AGO4: variants seen among roughly 807,000 people sequenced by gnomAD.
The protein encoded by AGO4 is protein argonaute-4.
Under a neutral mutation model 104.7 loss-of-function variants are expected in AGO4, and 33 were observed. The ratio of observed to expected loss-of-function variants is 0.32; its 90% CI spans 0.24 to 0.42. AGO4 has a LOEUF of 0.42. AGO4 is among the 10% of genes least tolerant of loss of function. The probability of loss-of-function intolerance (pLI) is 1.00; values close to 1 mark genes in which losing one functional copy is unlikely to be tolerated. For synonymous variants in AGO4, 331 were observed against 364.7 expected, an observed-to-expected ratio of 0.91 and a Z score of 1.05; for missense variants, 711 against 1,083.4, an observed-to-expected ratio of 0.66 and a Z score of 4.83.
At chr1:35,811,661 T>A (rs947532132) in intron 1 of AGO4, among the ~76,000 whole-genome samples, 2 of 151,918 alleles carry the variant, frequency 1.3e-5, no homozygotes, top group African/African-American at 4.8e-5. Context: ...TGGAGTGCAG[T>A]GGCGCCATCT....
At chr1:35,839,134 C>G (rs1644381605) in intron 13 of AGO4, among the ~76,000 whole-genome samples, 1 of 152,024 alleles carries the variant, frequency 6.6e-6, no homozygotes, top group Non-Finnish European at 1.5e-5. Context: ...GTGTGCACCA[C>G]CACGCCTGGC....
At position 35,826,744 on chromosome 1, in the gene AGO4, T is replaced by A. The variant is rs932605040; in HGVS notation, c.761-4T>A. The A allele has an allele frequency of 1.2e-6, 2 of 1,613,656 alleles. No individual in the cohort carries two copies. The highest frequency in any genetic ancestry group is 1.3e-5 in the African/African-American group (1 of 74,916). ...GATGTTTTGCCTTTTAAAAAAAATT[T>A]CAGGTCTCAAAGTTGAGGTGACCCA... On this transcript the variant is annotated splice_polypyrimidine_tract_variant and splice_region_variant and intron_variant, in intron 6 of 17. Coordinates refer to ENST00000373210, the MANE Select transcript of AGO4 (RefSeq NM_017629.4).
chr1:35,842,674 C>T (rs1238976499), intron 15 of AGO4, among the ~76,000 whole-genome samples: 4 of 152,064 alleles, frequency 2.6e-5, no homozygotes, highest in Admixed American at 1.3e-4. Context: ...TAATGGTGCA[C>T]GCCTGTAGTC....
In AGO4 at chr1:35,835,836, G is replaced by C; in HGVS notation, c.1567G>C (p.Glu523Gln). The change falls in exon 13 of 18, where the codon GAG becomes CAG. Residue 523 changes from glutamate (E) to glutamine (Q), a missense_variant and splice_region_variant. By Grantham distance (29) the Glu-to-Gln change is conservative. This residue lies in a region of AGO4 where 401 missense variants were observed against 665.5 expected (regional missense o/e 0.60). Transcript: ENST00000373210. Reference protein sequence around the residue: ...ILPGKTPVYAEVKRVGDTLLG... With the variant: ...ILPGKTPVYAQVKRVGDTLLG... Reference sequence around the variant, plus strand: ...AAATTAATAAATTATTTTTGTAGCGGAGGTGAAACGTGTTGGAGATACCCT... The same window carrying C: ...AAATTAATAAATTATTTTTGTAGCGCAGGTGAAACGTGTTGGAGATACCCT... The C allele has an allele frequency of 6.3e-7, 1 of 1,589,360 alleles. No homozygotes were observed. The highest frequency in any genetic ancestry group is 8.5e-7 in the Non-Finnish European group (1 of 1,173,004).
At chr1:35,846,489 C>T (rs575516393) in intron 15 of AGO4, among the ~76,000 whole-genome samples, 23 of 151,572 alleles carry the variant, frequency 1.5e-4, no homozygotes, top group Admixed American at 7.2e-4. Flanking sequence ...CCCAGCTACT[C>T]GGGAGGCTGA....
chr1:35,845,567 G>A (rs1644553890), intron 15 of AGO4, among the ~76,000 whole-genome samples: 1 of 151,774 alleles, frequency 6.6e-6, no homozygotes, highest in Non-Finnish European at 1.5e-5. Flanking sequence ...GATATTTCCC[G>A]ACATTTCATA....
chr1:35,848,709 C>T (rs1218526342), intron 15 of AGO4, among the ~76,000 whole-genome samples: 1 of 150,938 alleles, frequency 6.6e-6, no homozygotes, highest in African/African-American at 2.4e-5. Context: ...AAAGATTATA[C>T]ATGACTAAAT....
intron 10 of AGO4, 48 bp downstream of exon 10, chr1:35,832,233 AAG>A: frequency 1.3e-6 from 2 of 1,598,672 alleles, no homozygotes; most frequent in Non-Finnish European, 8.5e-7. Context: ...ACCAGTCAAA[AAG>A]AGAATAATCC....
chr1:35,834,137 A>G lies in AGO4; in HGVS notation c.1527A>G (p.Leu509=). 6.2e-7 allele frequency: 1 copy of G among 1,607,306 alleles called. No homozygotes were observed. The highest frequency in any genetic ancestry group is 8.5e-7 in the Non-Finnish European group (1 of 1,177,378). ...HLKMTYVGLQ[L]IVVILPGKTP... ...AAATGACTTATGTGGGCCTACAGCT[A>G]ATAGTGGTTATCCTGCCTGGAAAGA... is the stretch of plus-strand genomic sequence containing the variant. Residue 509 remains leucine (L), a synonymous_variant, in exon 12 of 18, where the codon CTA becomes CTG. Coordinates refer to ENST00000373210, the MANE Select transcript of AGO4 (RefSeq NM_017629.4).
At chr1:35,824,605 C>A (rs1030123505) in intron 3 of AGO4, among the ~76,000 whole-genome samples, 1 of 151,644 alleles carries the variant, frequency 6.6e-6, no homozygotes, top group Non-Finnish European at 1.5e-5. Flanking sequence ...TTGAGACCAG[C>A]CTGAGCAACA....
chr1:35,834,950 G>C (rs1387006080), intron 12 of AGO4, among the ~76,000 whole-genome samples: 1 of 150,648 alleles, frequency 6.6e-6, no homozygotes, highest in Non-Finnish European at 1.5e-5. Flanking sequence ...CCTGCCTTGG[G>C]CTTCCCAAAG....
At position 35,856,448 on chromosome 1, in the gene AGO4, T is replaced by G. The variant is rs976897957; in HGVS notation, c.*2843T>G. The G allele has an allele frequency of 3.9e-5, 6 of 152,286 alleles. No individual in the cohort carries two copies. Among genetic ancestry groups the G allele is most frequent in the African/African-American group, 7.2e-5 (3 of 41,456 alleles). The allele number at this position is 152,286 out of a possible 1,614,324, so 9.4% of individuals were successfully genotyped here. ...GCTGTTTGGTTTGGTTTTGGTTTTG[T>G]TTTTTAAATGCAGCCTGTTGAGGCA... On this transcript the variant is annotated 3_prime_UTR_variant, in exon 18 of 18. Coordinates refer to ENST00000373210, the MANE Select transcript of AGO4 (RefSeq NM_017629.4).
chr1:35,834,708 T>C (rs1424603176), intron 12 of AGO4, among the ~76,000 whole-genome samples: 1 of 150,754 alleles, frequency 6.6e-6, no homozygotes, highest in Non-Finnish European at 1.5e-5. Context: ...ACTATTATTG[T>C]TGATGAGACA....
chr1:35,827,790 C>CTTT (rs142432459), intron 7 of AGO4, among the ~76,000 whole-genome samples: 10 of 103,850 alleles, frequency 9.6e-5, no homozygotes, highest in African/African-American at 1.4e-4. Flanking sequence ...TGTTGTTATT[C>CTTT]TTTTTTTTTT....
chr1:35,832,745 A>G (rs1177955712), intron 11 of AGO4, among the ~76,000 whole-genome samples, 175 bp downstream of exon 11: 2 of 152,172 alleles, frequency 1.3e-5, no homozygotes, highest in South Asian at 2.1e-4. Context: ...GAATTACATT[A>G]AGAATCTGAC....
chr1:35,818,761 T>C (rs1643813481), intron 2 of AGO4, among the ~76,000 whole-genome samples: 2 of 150,828 alleles, frequency 1.3e-5, no homozygotes, highest in Non-Finnish European at 3.0e-5. Flanking sequence ...GGGAGAGTGA[T>C]AGGAGATGAG....
chr1:35,810,668 C>T (rs1643470780), intron 1 of AGO4, among the ~76,000 whole-genome samples: 1 of 152,084 alleles, frequency 6.6e-6, no homozygotes, highest in Admixed American at 6.6e-5. Flanking sequence ...GAAGTGACTT[C>T]ATTAGGGTTT....
chr1:35,823,384 C>G (rs1643930231), intron 3 of AGO4, among the ~76,000 whole-genome samples: 1 of 152,026 alleles, frequency 6.6e-6, no homozygotes, highest in Admixed American at 6.6e-5. Flanking sequence ...TTCCAAGTAG[C>G]TGGGATTACA....
At chr1:35,811,353 G>C (rs1417997445) in intron 1 of AGO4, among the ~76,000 whole-genome samples, 1 of 151,186 alleles carries the variant, frequency 6.6e-6, no homozygotes, top group African/African-American at 2.4e-5. Flanking sequence ...TGCTCCTGTA[G>C]TCTGAGGCTG....
Sources: allele counts gnomAD v4.1 joint callset (sites outside exome capture counted in the v4.1 genomes callset), GRCh38; gene constraint gnomAD v4.1.1; regional missense constraint gnomAD v4.1.1; transcripts MANE v1.5; gene names NCBI Gene and HGNC (gene_info 2026-07-23, HGNC 2026-07-21).